The following COL4A2 variants were observed in gnomAD, a reference collection of about 807,000 sequenced individuals.
The protein encoded by COL4A2 is collagen type IV alpha 2 chain.
A neutral mutation model predicts 200.2 loss-of-function variants in COL4A2; 99 were observed. The observed-to-expected ratio is 0.49, with a 90% confidence interval of 0.42 to 0.58. COL4A2 has a LOEUF of 0.58. Ranked by LOEUF, COL4A2 falls within the 20% of genes least tolerant of loss-of-function variation. COL4A2 has a pLI of 0.00. For synonymous variants in COL4A2, 897 were observed against 900.6 expected, an observed-to-expected ratio of 1.00 and a Z score of 0.07; for missense variants, 1,950 against 2,314.1, an observed-to-expected ratio of 0.84 and a Z score of 3.23.
chr13:110,439,031 A>G (rs894888341), intron 15 of COL4A2, among the ~76,000 whole-genome samples: 2 of 152,160 alleles, frequency 1.3e-5, no homozygotes, highest in Non-Finnish European at 1.5e-5. Context: ...TATCTCAAAC[A>G]CACATTGATT....
At chr13:110,438,157 T>C (rs1880970905) in intron 14 of COL4A2, 120 bp downstream of exon 14, 11 of 748,912 alleles carry the variant, frequency 1.5e-5, no homozygotes, top group South Asian at 1.3e-4. Context: ...CTCATCCCCT[T>C]GTCCATAGCA....
intron 29 of COL4A2, among the ~76,000 whole-genome samples, chr13:110,475,117 C>G (rs984650416): frequency 1.3e-5 from 2 of 152,262 alleles, no homozygotes; most frequent in African/African-American, 4.8e-5. Flanking sequence ...CACATCCAAC[C>G]CTGAACCAAG....
intron 46 of COL4A2, among the ~76,000 whole-genome samples, chr13:110,506,857 C>A (rs978565297): frequency 3.9e-5 from 6 of 152,148 alleles, no homozygotes; most frequent in Non-Finnish European, 8.8e-5. Context: ...TCCGCAGGCT[C>A]CCATGTGACC....
intron 8 of COL4A2, 96 bp downstream of exon 8, chr13:110,430,052 G>C: frequency 7.9e-7 from 1 of 1,260,600 alleles, no homozygotes; most frequent in Non-Finnish European, 1.1e-6. Context: ...ATGTAAGAAT[G>C]AATGTACTGA....
chr13:110,489,880 A>T lies in COL4A2; in HGVS notation c.3346+95A>T, dbSNP rs749077. ...GCCAAACAGATCAAATTCAGTAACAACCAGAAAGCACTTGATAGTGAATGA... is the reference window on the plus strand; with the variant it reads ...GCCAAACAGATCAAATTCAGTAACATCCAGAAAGCACTTGATAGTGAATGA... On this transcript the variant is annotated intron_variant, in intron 36 of 47. Coordinates refer to ENST00000360467, the MANE Select transcript of COL4A2 (RefSeq NM_001846.4). The T allele has an allele frequency of 0.14, 178,592 of 1,322,576 alleles. 12,415 individuals carry two copies. The highest frequency in any genetic ancestry group is 0.18 in the African/African-American group (12,474 of 67,728). 81.9% of individuals were successfully genotyped at this position (1,322,576 alleles called of 1,614,324 possible).
chr13:110,369,588 G>C (rs1877912202), intron 4 of COL4A2, among the ~76,000 whole-genome samples: 1 of 152,194 alleles, frequency 6.6e-6, no homozygotes, highest in South Asian at 2.1e-4. Context: ...CTTCCAGCCA[G>C]AATGCCCATC....
intron 3 of COL4A2, among the ~76,000 whole-genome samples, chr13:110,310,282 C>T (rs538453093): frequency 6.2e-4 from 94 of 152,338 alleles, no homozygotes; most frequent in African/African-American, 2.1e-3. Flanking sequence ...CCCTGAAAGG[C>T]TTGTTAAGAA....
chr13:110,368,997 A>G (rs1209114071), intron 4 of COL4A2, among the ~76,000 whole-genome samples: 1 of 152,184 alleles, frequency 6.6e-6, no homozygotes, highest in Non-Finnish European at 1.5e-5. Context: ...TCACGAGGTC[A>G]AGAGATGGAG....
intron 46 of COL4A2, among the ~76,000 whole-genome samples, chr13:110,506,825 GC>G (rs913117929): frequency 1.3e-5 from 2 of 152,194 alleles, no homozygotes; most frequent in African/African-American, 4.8e-5. Context: ...ACAGGGACCT[GC>G]CTTTTAACCT....
chr13:110,365,853 G>T (rs1424166256), intron 4 of COL4A2, among the ~76,000 whole-genome samples: 2 of 152,204 alleles, frequency 1.3e-5, no homozygotes, highest in Non-Finnish European at 2.9e-5. Context: ...TTCTTAGGAT[G>T]GAGGACATGA....
intron 47 of COL4A2, among the ~76,000 whole-genome samples, chr13:110,509,245 TTATATATATATA>T: frequency 2.8e-5 from 2 of 72,004 alleles, no homozygotes; most frequent in South Asian, 1.5e-3. Flanking sequence ...ATTTCATAAA[TTATATATATATA>T]TATATATATA....
At chr13:110,437,037 C>T (rs142380243) in intron 13 of COL4A2, among the ~76,000 whole-genome samples, 3 of 152,316 alleles carry the variant, frequency 2.0e-5, no homozygotes, top group South Asian at 2.1e-4. Flanking sequence ...ATGTCGGGCA[C>T]GCAGAATATC....
At chr13:110,341,220 G>A (rs1238648339) in intron 3 of COL4A2, among the ~76,000 whole-genome samples, 2 of 152,186 alleles carry the variant, frequency 1.3e-5, no homozygotes, top group African/African-American at 2.4e-5. Context: ...TCGGGACGAC[G>A]GGCTTCTCCC....
At chr13:110,405,546 C>T (rs1232647455) in intron 4 of COL4A2, among the ~76,000 whole-genome samples, 3 of 151,908 alleles carry the variant, frequency 2.0e-5, no homozygotes. Context: ...ATGAGGGGAC[C>T]TCCACGTTAG....
intron 3 of COL4A2, among the ~76,000 whole-genome samples, chr13:110,328,151 C>T (rs147959668): frequency 6.6e-6 from 1 of 152,150 alleles, no homozygotes; most frequent in South Asian, 2.1e-4. Flanking sequence ...AGAAAAAAAT[C>T]TTCTTAAGGA....
chr13:110,463,849 T>C (rs1594087530), intron 24 of COL4A2, among the ~76,000 whole-genome samples: 1 of 152,292 alleles, frequency 6.6e-6, no homozygotes. Flanking sequence ...ATTTTTACAA[T>C]TTAAGTGCAG....
chr13:110,335,000 A>G (rs72655755), intron 3 of COL4A2, among the ~76,000 whole-genome samples: 8,581 of 152,174 alleles, frequency 0.056, 299 homozygotes, highest in Middle Eastern at 0.1. Flanking sequence ...AGGTGACCTC[A>G]ACTATCTCTC....
chr13:110,390,733 A>G (rs1031129295), intron 4 of COL4A2, among the ~76,000 whole-genome samples: 1 of 152,094 alleles, frequency 6.6e-6, no homozygotes, highest in Admixed American at 6.5e-5. Context: ...GAGGAATCCT[A>G]TATGGCAGGG....
At position 110,489,864 on chromosome 13, in the gene COL4A2, A is replaced by G. The variant is rs545423537; in HGVS notation, c.3346+79A>G. The G allele has an allele frequency of 3.0e-5, 44 of 1,459,420 alleles. No individual in the cohort carries two copies. In the African/African-American group the frequency reaches 5.2e-4, roughly 17 times the overall value. 90.4% of individuals were successfully genotyped at this position (1,459,420 alleles called of 1,614,324 possible). ...TCTAGGAGCCCGACTTGCCAAACAG[A>G]TCAAATTCAGTAACAACCAGAAAGC... On this transcript the variant is annotated intron_variant, in intron 36 of 47. Transcript: ENST00000360467.
Sources: gnomAD v4.1 joint callset for allele counts (sites outside exome capture counted in the v4.1 genomes callset) on GRCh38, gnomAD v4.1.1 for gene constraint, MANE v1.5 for transcripts, NCBI Gene and HGNC (gene_info 2026-07-23, HGNC 2026-07-21) for gene names.